The following TIAM2 variants were observed in gnomAD, a reference collection of about 807,000 sequenced individuals.
TIAM2 encodes the protein TIAM Rac1 associated GEF 2.
In TIAM2, 80 loss-of-function variants were observed where a neutral mutation model predicts 152.9. That is an observed-to-expected ratio of 0.52 (90% CI 0.44 to 0.63). The LOEUF is 0.63. Ranked by LOEUF, TIAM2 falls within the 30% of genes least tolerant of loss-of-function variation. The pLI is 0.00. For missense variants in TIAM2, 1,965 were observed against 2,120.1 expected (o/e 0.93, Z 1.44); for synonymous variants, 804 against 838.0 (o/e 0.96, Z 0.70).
At chr6:155,126,425 T>C (rs1231376112) in intron 2 of TIAM2, among the ~76,000 whole-genome samples, 3 of 152,128 alleles carry the variant, frequency 2.0e-5, no homozygotes, top group Non-Finnish European at 4.4e-5. Flanking sequence ...ACTGCTGCCC[T>C]GTACATTTAA....
At position 155,111,982 on chromosome 6, in the gene TIAM2, G is replaced by A. The variant is rs180920374; in HGVS notation, c.-117-15508G>A. ...GCCCTTGTCCTGTTCACAGGGACCT[G>A]CATAATGCCAGATCTACTAAATGCA... On this transcript the variant is annotated intron_variant, in intron 2 of 26. Transcript: ENST00000682666. Among the ~76,000 whole-genome samples the A allele has an allele frequency of 9.9e-5, 15 of 152,264 alleles. No individual in the cohort carries two copies. The East Asian group carries it at 2.9e-3, about 29-fold the overall frequency.
chr6:155,061,108 A>T (rs1317224446), intron 1 of TIAM2, among the ~76,000 whole-genome samples: 1 of 152,148 alleles, frequency 6.6e-6, no homozygotes, highest in Non-Finnish European at 1.5e-5. Context: ...GCCCGTTGCT[A>T]TTGGAGTGTT....
At chr6:155,220,940 C>T (rs1342643422) in intron 15 of TIAM2, among the ~76,000 whole-genome samples, 3 of 151,948 alleles carry the variant, frequency 2.0e-5, no homozygotes, top group Admixed American at 6.6e-5. Flanking sequence ...CTACAGGCCC[C>T]GGTGTGTGAT....
At chr6:155,137,067 C>T in intron 4 of TIAM2, 110 bp from the exon 5 acceptor site, 2 of 1,165,432 alleles carry the variant, frequency 1.7e-6, no homozygotes, top group Non-Finnish European at 2.4e-6. Flanking sequence ...AAGAATCTTG[C>T]TTTGCATTAC....
chr6:155,088,605 T>C (rs1778225348), intron 1 of TIAM2, among the ~76,000 whole-genome samples: 1 of 152,126 alleles, frequency 6.6e-6, no homozygotes, highest in Non-Finnish European at 1.5e-5. Flanking sequence ...AACCAGAGGC[T>C]CAGACAATCT....
intron 1 of TIAM2, among the ~76,000 whole-genome samples, chr6:155,086,313 G>A (rs1179808737): frequency 6.6e-6 from 1 of 152,172 alleles, no homozygotes; most frequent in African/African-American, 2.4e-5. Flanking sequence ...GATCTTTACT[G>A]GACTTCACTT....
chr6:155,234,170 CA>C (rs1269641563), intron 15 of TIAM2, among the ~76,000 whole-genome samples: 10 of 152,236 alleles, frequency 6.6e-5, no homozygotes, highest in Admixed American at 5.9e-4. Context: ...TTGATTGCTA[CA>C]AACTGGAAAA....
At chr6:155,028,046 T>G (rs1371445552) in intron 1 of TIAM2, among the ~76,000 whole-genome samples, 1 of 127,928 alleles carries the variant, frequency 7.8e-6, no homozygotes, top group Non-Finnish European at 1.6e-5. Flanking sequence ...ATATATGTAC[T>G]GTGTTACATA....
intron 16 of TIAM2, among the ~76,000 whole-genome samples, chr6:155,242,135 C>T (rs1783061832): frequency 6.6e-6 from 1 of 152,170 alleles, no homozygotes; most frequent in South Asian, 2.1e-4. Context: ...TTAGGGCCCC[C>T]CTGGGTTGCA....
At position 155,218,381 on chromosome 6, in the gene TIAM2, C is replaced by A. The variant is rs980974329; in HGVS notation, c.3168+7074C>A. On this transcript the variant is annotated intron_variant, in intron 15 of 26. Transcript: ENST00000682666. This position sits in a 1 kb window ranked among gnomAD's most constrained non-coding sequence, Gnocchi z 4.5. ...GTCACAAAGACCTAATTCCAGGTAG[C>A]CCTTTCTTGGAGGCAGTGGTATGTT... 6.6e-6 allele frequency among the ~76,000 whole-genome samples: 1 copy of A among 152,174 alleles called. No individual in the cohort carries two copies. The highest frequency in any genetic ancestry group is 1.5e-5 in the Non-Finnish European group (1 of 68,024).
chr6:155,091,351 C>T (rs898930295), intron 2 of TIAM2, among the ~76,000 whole-genome samples: 4 of 152,152 alleles, frequency 2.6e-5, no homozygotes, highest in Admixed American at 2.6e-4. Context: ...CCTTCTCTGC[C>T]TGGTTCCTCA....
chr6:155,089,240 G>T (rs1056051053), intron 1 of TIAM2, among the ~76,000 whole-genome samples: 2 of 150,194 alleles, frequency 1.3e-5, no homozygotes, highest in Non-Finnish European at 3.0e-5. Context: ...GGTGTGGGGG[G>T]ATGGAGTCTC....
At chr6:155,237,060 C>T (rs1212408936) in intron 15 of TIAM2, among the ~76,000 whole-genome samples, 1 of 152,248 alleles carries the variant, frequency 6.6e-6, no homozygotes, top group Non-Finnish European at 1.5e-5. Context: ...AGGCAAGTCC[C>T]TTCCACCTAT....
chr6:155,251,773 A>C (rs1465488795), intron 22 of TIAM2, among the ~76,000 whole-genome samples, 172 bp from the exon 23 acceptor site: 1 of 152,256 alleles, frequency 6.6e-6, no homozygotes, highest in African/African-American at 2.4e-5. Context: ...GCTTCTGCAT[A>C]GTTCAAATAT....
chr6:155,251,700 A>G (rs1472974577), intron 22 of TIAM2, among the ~76,000 whole-genome samples: 1 of 152,260 alleles, frequency 6.6e-6, no homozygotes, highest in Non-Finnish European at 1.5e-5. Context: ...TCAGCTTTCA[A>G]TAAAACAAAG....
chr6:155,047,688 G>GAGAGGA (rs71023609), intron 1 of TIAM2, among the ~76,000 whole-genome samples: 2 of 44,682 alleles, frequency 4.5e-5, no homozygotes, highest in East Asian at 5.6e-4. Context: ...GAGAGAGAGA[G>GAGAGGA]GAGAGAGAGA....
chr6:155,172,667 TATATATATATATATATA>T (rs1211185832), intron 9 of TIAM2, among the ~76,000 whole-genome samples: 4 of 8,722 alleles, frequency 4.6e-4, no homozygotes, highest in Non-Finnish European at 1.1e-3. Context: ...TATATATATA[TATATATATATATATATA>T]TATTTTTTTT....
chr6:155,190,613 A>G (rs2115164716), intron 14 of TIAM2, among the ~76,000 whole-genome samples: 3 of 152,380 alleles, frequency 2.0e-5, no homozygotes, highest in Admixed American at 2.0e-4. Flanking sequence ...CTCTCCGAAC[A>G]TTAACTATAA....
chr6:155,148,389 G>T, intron 7 of TIAM2, 55 bp downstream of exon 7: 1 of 1,511,172 alleles, frequency 6.6e-7, no homozygotes, highest in South Asian at 1.2e-5. Context: ...CTTGTGCAGT[G>T]ACTGAACGCA....
Sources: gnomAD v4.1 joint callset for allele counts (sites outside exome capture counted in the v4.1 genomes callset) on GRCh38, gnomAD v4.1.1 for gene constraint, Gnocchi (gnomAD v3.1) non-coding constraint, MANE v1.5 for transcripts, NCBI Gene and HGNC (gene_info 2026-07-23, HGNC 2026-07-21) for gene names.